The following MKX variants were observed in gnomAD, a reference collection of about 807,000 sequenced individuals.
MKX encodes mohawk homeobox.
A neutral mutation model predicts 36.0 loss-of-function variants in MKX; 13 were observed. The ratio of observed to expected loss-of-function variants is 0.36; its 90% CI spans 0.24 to 0.57. The LOEUF is 0.57. Among genes scored for constraint, MKX ranks in the 20% least tolerant of loss-of-function variants. The pLI, the probability that MKX is intolerant of heterozygous loss-of-function variation, is 0.79. For synonymous variants in MKX, 176 were observed against 178.3 expected, an observed-to-expected ratio of 0.99 and a Z score of 0.10; for missense variants, 458 against 456.4, an observed-to-expected ratio of 1.00 and a Z score of -0.03.
rs561820809 is a variant in MKX, at chr10:27,708,152, A to G, written c.838+26304T>C. Among the ~76,000 whole-genome samples the G allele has an allele frequency of 5.3e-5, 8 of 152,360 alleles. No individual in the cohort carries two copies. The East Asian group carries it at 1.5e-3, about 29-fold the overall frequency. ...AATCCTTCCAACCATAGAATATTGA[A>G]ATATTTAACAGCCAGTATGGCATTC... is the stretch of plus-strand genomic sequence containing the variant. On this transcript the variant is annotated intron_variant, in intron 5 of 6. Coordinates refer to ENST00000419761, the MANE Select transcript of MKX (RefSeq NM_173576.3).
chr10:27,700,468 G>A (rs1404563450), intron 5 of MKX, among the ~76,000 whole-genome samples: 2 of 152,094 alleles, frequency 1.3e-5, no homozygotes, highest in African/African-American at 2.4e-5. Context: ...AAAGCTCAAT[G>A]TTTTACCACT....
intron 5 of MKX, among the ~76,000 whole-genome samples, chr10:27,680,918 A>G (rs894478224): frequency 6.6e-6 from 1 of 152,220 alleles, no homozygotes; most frequent in African/African-American, 2.4e-5. Flanking sequence ...AAGGGGGAAA[A>G]CAAAGACAGA....
At chr10:27,711,443 C>CTTTT (rs1564356799) in intron 5 of MKX, among the ~76,000 whole-genome samples, 1 of 8,872 alleles carries the variant, frequency 1.1e-4, no homozygotes, top group African/African-American at 3.5e-4. Context: ...TTCTTTCTTT[C>CTTTT]TTTCTTTCTT....
chr10:27,683,758 T>G (rs1836295670), intron 5 of MKX, among the ~76,000 whole-genome samples: 3 of 152,334 alleles, frequency 2.0e-5, no homozygotes, highest in African/African-American at 4.8e-5. Context: ...ATTCACATAC[T>G]TGGAACAACT....
chr10:27,678,784 C>T (rs938976144), intron 5 of MKX, among the ~76,000 whole-genome samples: 1 of 152,180 alleles, frequency 6.6e-6, no homozygotes, highest in Non-Finnish European at 1.5e-5. Flanking sequence ...CTAGCACTCC[C>T]TGTGGCTGAC....
chr10:27,698,104 G>A (rs1006529022), intron 5 of MKX, among the ~76,000 whole-genome samples: 2 of 152,208 alleles, frequency 1.3e-5, no homozygotes, highest in African/African-American at 4.8e-5. Context: ...CTGTATGAAA[G>A]TGCAATGTCT....
chr10:27,736,991 A>T (rs994796761), intron 3 of MKX, among the ~76,000 whole-genome samples: 2 of 152,182 alleles, frequency 1.3e-5, no homozygotes, highest in Admixed American at 1.3e-4. Context: ...CTACAGACAG[A>T]CAACAAAATT....
intron 5 of MKX, among the ~76,000 whole-genome samples, chr10:27,704,805 C>T (rs1358363084): frequency 3.9e-5 from 6 of 152,056 alleles, no homozygotes; most frequent in East Asian, 3.9e-4. Flanking sequence ...AGGAAGTTCT[C>T]GCTATCACTT....
Position 27,673,285 on chromosome 10 carries a change from T to A in MKX, c.*1944A>T, listed in dbSNP as rs557541923. On this transcript the variant is annotated 3_prime_UTR_variant, in exon 7 of 7. Coordinates refer to ENST00000419761, the MANE Select transcript of MKX (RefSeq NM_173576.3). ...CATAGAAGAAATTTGCTGATTTTTTTAAAAAGATGGCAAACATGAATCATG... is the reference window on the plus strand; with the variant it reads ...CATAGAAGAAATTTGCTGATTTTTTAAAAAAGATGGCAAACATGAATCATG... 48 of 152,582 alleles carry A rather than the reference T, an allele frequency of 3.1e-4. No homozygotes were observed. Among genetic ancestry groups the A allele is most frequent in the African/African-American group, 1.0e-3 (43 of 41,558 alleles). The allele number at this position is 152,582 out of a possible 1,614,324, so 9.5% of individuals were successfully genotyped here.
chr10:27,716,676 G>A (rs978947722), intron 5 of MKX, among the ~76,000 whole-genome samples: 4 of 151,936 alleles, frequency 2.6e-5, no homozygotes, highest in East Asian at 3.9e-4. Context: ...CATTTAAAGC[G>A]GTACATTTTT....
At chr10:27,709,162 C>T (rs1836809295) in intron 5 of MKX, among the ~76,000 whole-genome samples, 1 of 130,490 alleles carries the variant, frequency 7.7e-6, no homozygotes, top group Admixed American at 8.4e-5. Flanking sequence ...AAGCGAGACT[C>T]TGTCTCAAAA....
chr10:27,734,695 G>T lies in MKX; in HGVS notation c.599C>A (p.Ala200Glu), dbSNP rs201511812. 2 of 1,613,928 alleles carry T rather than the reference G, an allele frequency of 1.2e-6. No homozygotes were observed. Among genetic ancestry groups the T allele is most frequent in the African/African-American group, 2.7e-5 (2 of 74,852 alleles). The part of the protein sequence containing the change: ...VIKSENSVIK[A>E]GVRPESRASE... Reference sequence around the variant, plus strand: ...GGCCCGTGACTCTGGCCTCACTCCCGCTTTGATGACCGAATTCTCACTTTT... The same window carrying T: ...GGCCCGTGACTCTGGCCTCACTCCCTCTTTGATGACCGAATTCTCACTTTT... Residue 200 changes from alanine to glutamate, a missense_variant, in exon 5 of 7, where the codon GCG (alanine) becomes GAG (glutamate). Around this residue, in one of 3 missense-constraint regions of MKX, gnomAD observed 297 missense variants for 304.4 expected, o/e 0.98. Coordinates refer to ENST00000419761, the MANE Select transcript of MKX (RefSeq NM_173576.3).
intron 5 of MKX, among the ~76,000 whole-genome samples, chr10:27,719,462 C>G (rs1011421246): frequency 1.3e-5 from 2 of 152,110 alleles, no homozygotes; most frequent in African/African-American, 4.8e-5. Context: ...CATCTAACCG[C>G]AGCATAAAGC....
chr10:27,729,567 A>G (rs1393978578), intron 5 of MKX, among the ~76,000 whole-genome samples: 1 of 152,036 alleles, frequency 6.6e-6, no homozygotes, highest in African/African-American at 2.4e-5. Context: ...TCGGCTTCCC[A>G]AAGTGCTGGG....
At chr10:27,701,189 T>C (rs1836644534) in intron 5 of MKX, among the ~76,000 whole-genome samples, 1 of 152,018 alleles carries the variant, frequency 6.6e-6, no homozygotes, top group African/African-American at 2.4e-5. Context: ...TGAAGTTAGT[T>C]AACGTAAGTG....
rs1047204791 is a variant in MKX at position 27,743,380 on chromosome 10, C to G, written c.36G>C (p.Ala12=). The change falls in exon 2 of 7, where the codon GCG becomes GCC. Residue 12 remains alanine, a synonymous_variant. Transcript: ENST00000419761. The stretch of plus-strand genomic sequence containing the variant: ...AGGCGCCTCCGTCCTCAAACAGCAC[C>G]GCACCGCTGAGCTTGTTGAAGACGA... The part of the protein sequence containing the change: ...NTIVFNKLSG[A]VLFEDGGASE... 2 of 1,572,894 alleles carry G rather than the reference C, an allele frequency of 1.3e-6. No homozygotes were observed. Among genetic ancestry groups the G allele is most frequent in the Non-Finnish European group, 1.7e-6 (2 of 1,161,978 alleles).
intron 3 of MKX, among the ~76,000 whole-genome samples, chr10:27,737,085 C>T (rs538811964): frequency 5.7e-4 from 86 of 152,212 alleles, no homozygotes; most frequent in Admixed American, 1.1e-3. Flanking sequence ...GAAGGACTAG[C>T]GGAAAAGAAC....
At chr10:27,702,645 T>C (rs368233074) in intron 5 of MKX, among the ~76,000 whole-genome samples, 2 of 152,180 alleles carry the variant, frequency 1.3e-5, no homozygotes, top group Non-Finnish European at 1.5e-5. Context: ...AAACATGTAG[T>C]TCATTCTCTA....
chr10:27,714,576 T>G (rs539529012), intron 5 of MKX, among the ~76,000 whole-genome samples: 5 of 152,272 alleles, frequency 3.3e-5, no homozygotes, highest in African/African-American at 1.2e-4. Flanking sequence ...TATTTTCCAG[T>G]GATTTCAGTT....
Sources: allele counts gnomAD v4.1 joint callset (sites outside exome capture counted in the v4.1 genomes callset), GRCh38; gene constraint gnomAD v4.1.1; regional missense constraint gnomAD v4.1.1; transcripts MANE v1.5; gene names NCBI Gene and HGNC (gene_info 2026-07-23, HGNC 2026-07-21).